SMARCAD1: variants seen among roughly 807,000 people sequenced by gnomAD.
The protein encoded by SMARCAD1 is SNF2 related chromatin remodeling ATPase with DExD box 1.
In SMARCAD1, 25 loss-of-function variants were observed where a neutral mutation model predicts 127.1. That is an observed-to-expected ratio of 0.20 (90% CI 0.14 to 0.27). The LOEUF is 0.27. SMARCAD1 is among the 10% of genes least tolerant of loss of function. SMARCAD1 has a pLI of 1.00. For synonymous variants in SMARCAD1, 400 were observed against 396.9 expected, an observed-to-expected ratio of 1.01 and a Z score of -0.09; for missense variants, 807 against 1,206.0, an observed-to-expected ratio of 0.67 and a Z score of 4.90.
chr4:94,242,653 C>G (rs1476204225), intron 6 of SMARCAD1, among the ~76,000 whole-genome samples: 1 of 151,158 alleles, frequency 6.6e-6, no homozygotes, highest in East Asian at 2.0e-4. Context: ...CCTATAATCC[C>G]AGCATCTTGG....
At chr4:94,258,279 T>A (rs1750422752) in intron 9 of SMARCAD1, among the ~76,000 whole-genome samples, 1 of 151,910 alleles carries the variant, frequency 6.6e-6, no homozygotes, top group African/African-American at 2.4e-5. Context: ...CTCACCCTCC[T>A]GAGTAGTTGG....
intron 12 of SMARCAD1, among the ~76,000 whole-genome samples, 159 bp downstream of exon 12, chr4:94,273,875 A>G (rs1359730051): frequency 1.3e-5 from 2 of 152,168 alleles, no homozygotes; most frequent in East Asian, 3.8e-4. Context: ...TCCTTTGTTT[A>G]TATATGTGTG....
intron 2 of SMARCAD1, among the ~76,000 whole-genome samples, chr4:94,225,374 A>G (rs1386780533): frequency 6.6e-6 from 1 of 152,008 alleles, no homozygotes; most frequent in Non-Finnish European, 1.5e-5. Context: ...CCCTTTTCTT[A>G]TAAGGACATC....
At chr4:94,247,078 G>A (rs1303230079) in intron 6 of SMARCAD1, among the ~76,000 whole-genome samples, 2 of 151,448 alleles carry the variant, frequency 1.3e-5, no homozygotes, top group African/African-American at 2.4e-5. Flanking sequence ...GGATGGTGGT[G>A]TCAATATCTG....
At chr4:94,208,647 A>G in intron 2 of SMARCAD1, 63 bp downstream of exon 2, 1 of 1,450,684 alleles carries the variant, frequency 6.9e-7, no homozygotes, top group Non-Finnish European at 9.7e-7. Flanking sequence ...GAAAGGCAGA[A>G]GGGATTCTCA....
intron 2 of SMARCAD1, chr4:94,213,047 G>A: frequency 7.8e-7 from 1 of 1,281,446 alleles, no homozygotes; most frequent in Non-Finnish European, 1.0e-6. Flanking sequence ...AGTTTGGAGG[G>A]ATTGAAATAA....
intron 2 of SMARCAD1, among the ~76,000 whole-genome samples, chr4:94,223,957 T>A (rs1327671019): frequency 6.6e-6 from 1 of 152,090 alleles, no homozygotes; most frequent in Non-Finnish European, 1.5e-5. Flanking sequence ...TAGCTTTAGT[T>A]CTCATTTTTA....
intron 2 of SMARCAD1, among the ~76,000 whole-genome samples, chr4:94,211,287 A>C (rs1180562830): frequency 1.3e-5 from 2 of 152,186 alleles, no homozygotes; most frequent in African/African-American, 2.4e-5. Context: ...TAAATAAATA[A>C]ATAAGAATAA....
At chr4:94,252,343 G>A (rs777759937) in intron 8 of SMARCAD1, among the ~76,000 whole-genome samples, 6 of 152,270 alleles carry the variant, frequency 3.9e-5, no homozygotes, top group South Asian at 2.1e-4. Context: ...ATACAGATAC[G>A]CAGCTGCCAT....
chr4:94,211,143 A>G (rs943200553), intron 2 of SMARCAD1, among the ~76,000 whole-genome samples: 1 of 151,696 alleles, frequency 6.6e-6, no homozygotes, highest in African/African-American at 2.4e-5. Flanking sequence ...ATGGTGGTAC[A>G]TGCCTGTAAT....
chr4:94,277,024 A>T lies in SMARCAD1; in HGVS notation c.1947A>T (p.Ala649=). 3 of 1,614,036 alleles carry T rather than the reference A, an allele frequency of 1.9e-6. No homozygotes were observed. Among genetic ancestry groups the T allele is most frequent in the Non-Finnish European group, 1.7e-6 (2 of 1,179,952 alleles). The part of the protein sequence containing the change: ...IRYQHLMTIN[A]NNRLLLTGTP... ...ATAAATTTTACCTTCATTCACAGGCAAATAACCGTTTGCTGCTCACAGGCA... is the reference window on the plus strand; with the variant it reads ...ATAAATTTTACCTTCATTCACAGGCTAATAACCGTTTGCTGCTCACAGGCA... Residue 649 remains alanine, a splice_region_variant and synonymous_variant, in exon 16 of 24, where the codon GCA becomes GCT. Coordinates refer to ENST00000354268, the MANE Select transcript of SMARCAD1 (RefSeq NM_020159.5).
intron 14 of SMARCAD1, 93 bp downstream of exon 14, chr4:94,275,058 C>G (rs1753068212): frequency 1.1e-6 from 1 of 894,368 alleles, no homozygotes; most frequent in Admixed American, 1.8e-5. Context: ...AAAGTTTATG[C>G]TGTTAACTGT....
chr4:94,290,278 C>G lies in SMARCAD1; in HGVS notation c.*744C>G. The G allele has an allele frequency of 2.2e-6, 1 of 454,462 alleles. No homozygotes were observed. Among genetic ancestry groups the G allele is most frequent in the Non-Finnish European group, 4.4e-6 (1 of 226,768 alleles). The allele number at this position is 454,462 out of a possible 1,614,324, so 28.2% of individuals were successfully genotyped here. A position where few individuals can be genotyped will look rare whatever the true frequency, so the allele number is the denominator to read the frequency against. The stretch of plus-strand genomic sequence containing the variant: ...GCATATTACTCTGCCTAATCTTGTG[C>G]ATGTTTTCATTGATTTCCCTCTCCC... On this transcript the variant is annotated 3_prime_UTR_variant, in exon 24 of 24. Transcript: ENST00000354268.
intron 11 of SMARCAD1, among the ~76,000 whole-genome samples, 163 bp downstream of exon 11, chr4:94,270,981 CCCT>C (rs1752465364): frequency 6.6e-6 from 1 of 152,064 alleles, no homozygotes. Flanking sequence ...GTTAGTTCTA[CCCT>C]CCTCACTCCT....
At chr4:94,280,066 C>T (rs765006035) in intron 19 of SMARCAD1, among the ~76,000 whole-genome samples, 3 of 151,834 alleles carry the variant, frequency 2.0e-5, no homozygotes, top group Non-Finnish European at 2.9e-5. Flanking sequence ...GGTTTCACCA[C>T]GTTGGCCAGG....
intron 9 of SMARCAD1, among the ~76,000 whole-genome samples, chr4:94,257,310 C>A (rs1459510307): frequency 6.6e-6 from 1 of 152,094 alleles, no homozygotes; most frequent in Non-Finnish European, 1.5e-5. Flanking sequence ...ACCAAAGATA[C>A]CCACCATTTA....
At chr4:94,261,964 C>G (rs969709403) in intron 9 of SMARCAD1, among the ~76,000 whole-genome samples, 1 of 152,188 alleles carries the variant, frequency 6.6e-6, no homozygotes, top group Non-Finnish European at 1.5e-5. Context: ...GAAATTATTT[C>G]TTCCTTGGCT....
Position 94,257,233 on chromosome 4 carries a change from G to A in SMARCAD1, c.1281+4226G>A, listed in dbSNP as rs529386966. Among the ~76,000 whole-genome samples the A allele has an allele frequency of 1.0e-3, 156 of 152,196 alleles. 1 individual carries two copies. Among genetic ancestry groups the A allele is most frequent in the Middle Eastern group, 3.4e-3 (1 of 294 alleles). On this transcript the variant is annotated intron_variant, in intron 9 of 23. Transcript: ENST00000354268. ...AAAAGATTTATCATTTTTTGAGAATGATTTGTTTTACCTAAAATTGAAACA... is the reference window on the plus strand; with the variant it reads ...AAAAGATTTATCATTTTTTGAGAATAATTTGTTTTACCTAAAATTGAAACA...
At chr4:94,274,995 A>C in intron 14 of SMARCAD1, 30 bp downstream of exon 14, 1 of 1,451,598 alleles carries the variant, frequency 6.9e-7, no homozygotes. Context: ...GGGAGGATGG[A>C]TATTTATGCA....
Sources: allele counts gnomAD v4.1 joint callset (sites outside exome capture counted in the v4.1 genomes callset), GRCh38; gene constraint gnomAD v4.1.1; transcripts MANE v1.5; gene names NCBI Gene and HGNC (gene_info 2026-07-23, HGNC 2026-07-21).